Variants in BCAS3 observed in about 807,000 individuals in gnomAD.
BCAS3 encodes the protein BCAS3 microtubule associated cell migration factor, also known as BCAS4/BCAS3 fusion.
A neutral mutation model predicts 116.1 loss-of-function variants in BCAS3; 53 were observed. The observed-to-expected ratio is 0.46, with a 90% CI of 0.37 to 0.57. The LOEUF (loss-of-function observed/expected upper bound fraction) is 0.57. BCAS3 is among the 20% of genes least tolerant of loss of function. The pLI is 0.00. For synonymous variants in BCAS3, 391 were observed against 408.2 expected, an observed-to-expected ratio of 0.96 and a Z score of 0.51; for missense variants, 917 against 1,165.4, an observed-to-expected ratio of 0.79 and a Z score of 3.10.
At chr17:61,225,491 G>A (rs896822623) in intron 22 of BCAS3, among the ~76,000 whole-genome samples, 2 of 152,058 alleles carry the variant, frequency 1.3e-5, no homozygotes, top group Admixed American at 6.6e-5. Context: ...ATTTTGCTGC[G>A]GTTGGTTAAT....
chr17:61,012,167 A>C lies in BCAS3; in HGVS notation c.1487-3584A>C, dbSNP rs527345075. Reference sequence around the variant, plus strand: ...TTCTCCCATTTTTCATTTTTTGTTAATATGTCTTTCTGTAACATTACATTA... The same window carrying C: ...TTCTCCCATTTTTCATTTTTTGTTACTATGTCTTTCTGTAACATTACATTA... On this transcript the variant is annotated intron_variant, in intron 15 of 23. Coordinates refer to ENST00000407086, the MANE Select transcript of BCAS3 (RefSeq NM_017679.5). This position sits in a 1 kb window ranked among gnomAD's most constrained non-coding sequence, Gnocchi z 4.5. Among the ~76,000 whole-genome samples the C allele has an allele frequency of 9.2e-5, 14 of 151,966 alleles. No individual in the cohort carries two copies. Among genetic ancestry groups the C allele is most frequent in the African/African-American group, 3.1e-4 (13 of 41,466 alleles).
intron 22 of BCAS3, among the ~76,000 whole-genome samples, chr17:61,154,931 TG>T (rs1458509096): frequency 6.6e-6 from 1 of 151,118 alleles, no homozygotes; most frequent in Non-Finnish European, 1.5e-5. Flanking sequence ...TTTTTTTTGG[TG>T]GGGGGTGTTT....
chr17:61,248,018 T>C lies in BCAS3; in HGVS notation c.2426-120309T>C, dbSNP rs2048108909. On this transcript the variant is annotated intron_variant, in intron 22 of 23. Transcript: ENST00000407086. This position sits in a 1 kb window ranked among gnomAD's most constrained non-coding sequence, Gnocchi z 4.3. Reference sequence around the variant, plus strand: ...CCAGTTGTGGGTTTACAAAAAGGAGTTGGGGTACTTTGTTGGGATGTTTTG... The same window carrying C: ...CCAGTTGTGGGTTTACAAAAAGGAGCTGGGGTACTTTGTTGGGATGTTTTG... Among the ~76,000 whole-genome samples the C allele has an allele frequency of 6.6e-6, 1 of 152,114 alleles. No homozygotes were observed. Among genetic ancestry groups the C allele is most frequent in the Admixed American group, 6.5e-5 (1 of 15,268 alleles).
chr17:61,109,332 T>G (rs2074904580), intron 22 of BCAS3, among the ~76,000 whole-genome samples: 1 of 151,612 alleles, frequency 6.6e-6, no homozygotes, highest in South Asian at 2.1e-4. Context: ...CGCCACATTT[T>G]CTTTATCTAC....
chr17:61,192,246 CAAAA>C (rs60456812), intron 22 of BCAS3, among the ~76,000 whole-genome samples: 6 of 70,684 alleles, frequency 8.5e-5, no homozygotes, highest in South Asian at 9.2e-4. Context: ...GCTCTGTTAC[CAAAA>C]AAAAAAAAAA....
rs1472956242 is a variant in BCAS3 at position 61,363,452 on chromosome 17, AC to A, written c.2426-4874del. 1.3e-5 allele frequency among the ~76,000 whole-genome samples: 2 copies of A among 152,150 alleles called. No individual in the cohort carries two copies. Among genetic ancestry groups the A allele is most frequent in the Non-Finnish European group, 2.9e-5 (2 of 68,022 alleles). On this transcript the variant is annotated intron_variant, in intron 22 of 23. Transcript: ENST00000407086. The surrounding 1 kb of genome is among the most constrained non-coding windows in gnomAD (Gnocchi z 4.9). ...ATAGCCTGCGAAGACTGTTGCACTT[AC>A]AACCAGATGCCTCATGTCTCTGAAA...
intron 1 of BCAS3, 37 bp from the exon 2 acceptor site, chr17:60,679,416 T>C (rs528509134): frequency 1.3e-6 from 2 of 1,498,522 alleles, no homozygotes; most frequent in Non-Finnish European, 1.9e-6. Context: ...GATCCATGTT[T>C]TTCTGTTTTT....
rs1463651298 is a variant in BCAS3, at chr17:61,361,732, G to A, written c.2426-6595G>A. 6.6e-6 allele frequency: 1 copy of A among 152,178 alleles called. No individual in the cohort carries two copies. The highest frequency in any genetic ancestry group is 6.5e-5 in the Admixed American group (1 of 15,270). The allele number at this position is 152,178 out of a possible 1,614,324, so 9.4% of individuals were successfully genotyped here. ...AGGTCAAGAAGTCCCACTGTCTGTT[G>A]TCTGAAGGTGAAGAACCAAGAAGGC... is the stretch of plus-strand genomic sequence containing the variant. On this transcript the variant is annotated intron_variant, in intron 22 of 23. Transcript: ENST00000407086. This position sits in a 1 kb window ranked among gnomAD's most constrained non-coding sequence, Gnocchi z 6.5.
At position 61,355,468 on chromosome 17, in the gene BCAS3, C is replaced by T. The variant is rs560834336; in HGVS notation, c.2426-12859C>T. On this transcript the variant is annotated intron_variant, in intron 22 of 23. Transcript: ENST00000407086. This position sits in a 1 kb window ranked among gnomAD's most constrained non-coding sequence, Gnocchi z 4.2. Reference sequence around the variant, plus strand: ...GAAAACCCCCTCGCTGGCACTCCAGCCATATTTTCAAAAAAAAAAATTCAG... The same window carrying T: ...GAAAACCCCCTCGCTGGCACTCCAGTCATATTTTCAAAAAAAAAAATTCAG... Among the ~76,000 whole-genome samples, 1 of 142,208 alleles carries T rather than the reference C, an allele frequency of 7.0e-6. No homozygotes were observed. The highest frequency in any genetic ancestry group is 2.5e-5 in the African/African-American group (1 of 39,520). The allele number at this position is 142,208 out of a possible 152,430, so 93.3% of individuals were successfully genotyped here.
rs966873627 is a variant in BCAS3 at position 61,041,844 on chromosome 17, C to G, written c.2029+952C>G. Among the ~76,000 whole-genome samples the G allele has an allele frequency of 6.6e-6, 1 of 152,012 alleles. No individual in the cohort carries two copies. ...CTCTCTCATATTATTGTTGAACTCT[C>G]TGCTTTTTCTAGGGCATTTTTATTG... On this transcript the variant is annotated intron_variant, in intron 19 of 23. Coordinates refer to ENST00000407086, the MANE Select transcript of BCAS3 (RefSeq NM_017679.5). This position sits in a 1 kb window ranked among gnomAD's most constrained non-coding sequence, Gnocchi z 4.7.
chr17:61,177,643 A>T (rs970782074), intron 22 of BCAS3, among the ~76,000 whole-genome samples: 2 of 152,214 alleles, frequency 1.3e-5, no homozygotes, highest in East Asian at 3.8e-4. Flanking sequence ...TGATGATTTC[A>T]TGGGTGTATA....
chr17:61,202,596 C>A (rs1298684331), intron 22 of BCAS3, among the ~76,000 whole-genome samples: 1 of 151,936 alleles, frequency 6.6e-6, no homozygotes, highest in Admixed American at 6.6e-5. Flanking sequence ...GCTAACTACT[C>A]CATTGGTTAG....
intron 5 of BCAS3, among the ~76,000 whole-genome samples, chr17:60,722,270 A>G (rs561563520): frequency 6.6e-6 from 1 of 152,310 alleles, no homozygotes; most frequent in South Asian, 2.1e-4. Flanking sequence ...TTATTGTGTC[A>G]TAGGATAAGT....
intron 14 of BCAS3, among the ~76,000 whole-genome samples, chr17:60,955,673 C>G (rs188032117): frequency 4.7e-4 from 72 of 152,270 alleles, no homozygotes; most frequent in African/African-American, 1.1e-3. Context: ...CATGAGCCAC[C>G]GTGCCCGGCT....
intron 6 of BCAS3, among the ~76,000 whole-genome samples, chr17:60,748,341 T>G (rs1438304333): frequency 6.6e-6 from 1 of 152,230 alleles, no homozygotes; most frequent in Non-Finnish European, 1.5e-5. Context: ...TCCCTTGCTA[T>G]TCAACTCTAT....
At chr17:61,193,302 A>G (rs2080259471) in intron 22 of BCAS3, among the ~76,000 whole-genome samples, 1 of 152,152 alleles carries the variant, frequency 6.6e-6, no homozygotes, top group Non-Finnish European at 1.5e-5. Flanking sequence ...AGGACAAACC[A>G]TAATAGAAAT....
chr17:61,084,702 G>C lies in BCAS3; in HGVS notation c.2425+138G>C. ...TGTGGTGTGTGTGCATTTTAATACA[G>C]TACTGTGCCTATATTTCTTGCTGAA... On this transcript the variant is annotated intron_variant, in intron 22 of 23. Coordinates refer to ENST00000407086, the MANE Select transcript of BCAS3 (RefSeq NM_017679.5). This position sits in a 1 kb window ranked among gnomAD's most constrained non-coding sequence, Gnocchi z 5.5. 1 of 722,630 alleles carries C rather than the reference G, an allele frequency of 1.4e-6. No homozygotes were observed. Among genetic ancestry groups the C allele is most frequent in the Non-Finnish European group, 2.4e-6 (1 of 419,592 alleles). The allele number at this position is 722,630 out of a possible 1,614,324, so 44.8% of individuals were successfully genotyped here.
Position 61,249,752 on chromosome 17 carries a change from C to G in BCAS3, c.2426-118575C>G, listed in dbSNP as rs938720019. On this transcript the variant is annotated intron_variant, in intron 22 of 23. Transcript: ENST00000407086. The surrounding 1 kb of genome is among the most constrained non-coding windows in gnomAD (Gnocchi z 6.2). ...CCAAGGATGTTTAAGTAGCTGCTCT[C>G]TGCCCATTATTTTGATAATTACTAC... Among the ~76,000 whole-genome samples the G allele has an allele frequency of 6.6e-6, 1 of 151,792 alleles. No homozygotes were observed. The highest frequency in any genetic ancestry group is 1.5e-5 in the Non-Finnish European group (1 of 68,028).
chr17:61,386,773 G>GT (rs59596790), intron 23 of BCAS3, among the ~76,000 whole-genome samples: 107,572 of 143,134 alleles, frequency 0.75, 41,548 homozygotes, highest in East Asian at 0.9. Context: ...TTTCCTTACT[G>GT]TTTTTTTTTG....
Sources: allele counts gnomAD v4.1 joint callset (sites outside exome capture counted in the v4.1 genomes callset), GRCh38; gene constraint gnomAD v4.1.1; non-coding constraint Gnocchi (gnomAD v3.1); transcripts MANE v1.5; gene names NCBI Gene and HGNC (gene_info 2026-07-23, HGNC 2026-07-21).